The following LRP1B variants were observed in gnomAD, a reference collection of about 807,000 sequenced individuals.
The protein encoded by LRP1B is LDL receptor related protein 1B, also known as low-density lipoprotein receptor-related protein 1B.
In LRP1B, 217 loss-of-function variants were observed where a neutral mutation model predicts 556.6. The ratio of observed to expected loss-of-function variants is 0.39; its 90% CI spans 0.35 to 0.44. The LOEUF is 0.44. LRP1B is among the 20% of genes least tolerant of loss of function. LRP1B has a pLI of 1.00. For synonymous variants in LRP1B, 2,047 were observed against 1,865.8 expected (o/e 1.10, Z -2.50); for missense variants, 5,053 against 5,620.8 (o/e 0.90, Z 3.23).
chr2:142,072,801 G>A (rs1705370542), intron 1 of LRP1B, among the ~76,000 whole-genome samples: 1 of 151,998 alleles, frequency 6.6e-6, no homozygotes, highest in Admixed American at 6.6e-5. Context: ...GGCATAGTGG[G>A]TATGTATTAA....
At chr2:141,763,023 T>C (rs1694613424) in intron 2 of LRP1B, among the ~76,000 whole-genome samples, 1 of 152,198 alleles carries the variant, frequency 6.6e-6, no homozygotes, top group African/African-American at 2.4e-5. Flanking sequence ...GCAAATTATC[T>C]GTGTATTCTG....
At chr2:141,765,609 A>G (rs993184495) in intron 2 of LRP1B, among the ~76,000 whole-genome samples, 1 of 152,192 alleles carries the variant, frequency 6.6e-6, no homozygotes, top group African/African-American at 2.4e-5. Flanking sequence ...AACTAATTAA[A>G]AGTGAAATAA....
At chr2:141,851,457 T>G (rs1003929450) in intron 1 of LRP1B, among the ~76,000 whole-genome samples, 32 of 151,864 alleles carry the variant, frequency 2.1e-4, no homozygotes, top group Admixed American at 1.3e-3. Context: ...TTATTAGGCT[T>G]TATTCTATAG....
chr2:142,069,691 C>T (rs546126551), intron 1 of LRP1B, among the ~76,000 whole-genome samples: 55 of 151,794 alleles, frequency 3.6e-4, no homozygotes, highest in Admixed American at 2.3e-3. Context: ...TTTGTACATG[C>T]GAAAAGGTTT....
At chr2:141,610,013 A>G (rs1156248850) in intron 2 of LRP1B, among the ~76,000 whole-genome samples, 1 of 152,222 alleles carries the variant, frequency 6.6e-6, no homozygotes, top group Non-Finnish European at 1.5e-5. Flanking sequence ...ATTTTGGGAC[A>G]GATCATTCGA....
At chr2:141,858,660 A>T (rs1698142000) in intron 1 of LRP1B, among the ~76,000 whole-genome samples, 1 of 152,086 alleles carries the variant, frequency 6.6e-6, no homozygotes, top group African/African-American at 2.4e-5. Flanking sequence ...CAATAAGAAT[A>T]AGAACAACAA....
At chr2:141,141,030 G>A (rs1456263172) in intron 7 of LRP1B, among the ~76,000 whole-genome samples, 1 of 152,102 alleles carries the variant, frequency 6.6e-6, no homozygotes, top group Non-Finnish European at 1.5e-5. Context: ...ATTTAGCTGT[G>A]TGGGCAATGA....
chr2:140,357,379 A>T (rs1180000040), intron 74 of LRP1B, among the ~76,000 whole-genome samples: 2 of 148,150 alleles, frequency 1.3e-5, no homozygotes, highest in African/African-American at 2.5e-5. Flanking sequence ...TGCATAAATT[A>T]AAAAAAAAAG....
rs190782909 is a variant in LRP1B at position 142,056,963 on chromosome 2, A to G, written c.82+73685T>C. On this transcript the variant is annotated intron_variant, in intron 1 of 90. Coordinates refer to ENST00000389484, the MANE Select transcript of LRP1B (RefSeq NM_018557.3). ...AAATTACATGCTAAATGTATTCTCA[A>G]TGGAAAAAACAGACAACTCAGCACT... Among the ~76,000 whole-genome samples, 44 of 152,224 alleles carry G rather than the reference A, an allele frequency of 2.9e-4. No individual in the cohort carries two copies. In the East Asian group the frequency reaches 7.9e-3, roughly 27 times the overall value.
chr2:141,655,819 T>C (rs1558784327), intron 2 of LRP1B, among the ~76,000 whole-genome samples: 1 of 152,160 alleles, frequency 6.6e-6, no homozygotes, highest in African/African-American at 2.4e-5. Flanking sequence ...TAGGTTTCAG[T>C]TATTACTTTG....
intron 3 of LRP1B, among the ~76,000 whole-genome samples, chr2:141,390,053 G>T (rs1419490665): frequency 4.6e-5 from 7 of 152,076 alleles, no homozygotes. Flanking sequence ...CAAGAGAATC[G>T]CTTGAACCTG....
At chr2:140,627,832 C>T (rs1209561245) in intron 41 of LRP1B, among the ~76,000 whole-genome samples, 3 of 152,124 alleles carry the variant, frequency 2.0e-5, no homozygotes, top group East Asian at 3.9e-4. Context: ...CCACTTTCAA[C>T]AACGTTTTAT....
intron 84 of LRP1B, among the ~76,000 whole-genome samples, chr2:140,286,784 C>A: frequency 6.6e-6 from 1 of 151,392 alleles, no homozygotes; most frequent in African/African-American, 2.4e-5. Context: ...TATATATAAC[C>A]TTATGTATAT....
chr2:141,150,869 T>TGTGTGTGTGTG (rs1553467366), intron 7 of LRP1B, among the ~76,000 whole-genome samples: 15 of 138,716 alleles, frequency 1.1e-4, no homozygotes, highest in East Asian at 6.3e-4. Flanking sequence ...TCATGCTGGT[T>TGTGTGTGTGTG]TGTGTGTGTG....
At chr2:140,675,600 G>T (rs1486840227) in intron 41 of LRP1B, among the ~76,000 whole-genome samples, 1 of 151,824 alleles carries the variant, frequency 6.6e-6, no homozygotes, top group Non-Finnish European at 1.5e-5. Flanking sequence ...GTGAGATTTT[G>T]CCTCTACAAA....
At chr2:141,541,675 T>C (rs1685265885) in intron 2 of LRP1B, among the ~76,000 whole-genome samples, 1 of 152,080 alleles carries the variant, frequency 6.6e-6, no homozygotes, top group Non-Finnish European at 1.5e-5. Flanking sequence ...TGTTATTCTT[T>C]GCAATCTATA....
chr2:142,078,220 G>C (rs1028756499), intron 1 of LRP1B, among the ~76,000 whole-genome samples: 1 of 151,998 alleles, frequency 6.6e-6, no homozygotes, highest in African/African-American at 2.4e-5. Context: ...AACCTCCTCT[G>C]TTTGGGAAAA....
intron 1 of LRP1B, among the ~76,000 whole-genome samples, chr2:141,857,917 C>A (rs964597980): frequency 2.0e-5 from 3 of 152,028 alleles, no homozygotes; most frequent in Non-Finnish European, 4.4e-5. Context: ...GAAAATAAAC[C>A]ATTTCCCACT....
In LRP1B at chr2:141,129,260, C is replaced by T. The variant is rs144039096; in HGVS notation, c.1013+59161G>A. Among the ~76,000 whole-genome samples the T allele has an allele frequency of 1.9e-3, 288 of 152,082 alleles. 1 individual carries two copies. The Middle Eastern group carries it at 0.024, about 13-fold the overall frequency. On this transcript the variant is annotated intron_variant, in intron 7 of 90. Coordinates refer to ENST00000389484, the MANE Select transcript of LRP1B (RefSeq NM_018557.3). ...AAAAGACGACTTAATATCTTAAAAT[C>T]GTAAGGTATAAATATTTTACAAATT... is the stretch of plus-strand genomic sequence containing the variant.
Sources: gnomAD v4.1 joint callset for allele counts (sites outside exome capture counted in the v4.1 genomes callset) on GRCh38, gnomAD v4.1.1 for gene constraint, MANE v1.5 for transcripts, NCBI Gene and HGNC (gene_info 2026-07-23, HGNC 2026-07-21) for gene names.